Variants in TTC19 observed in about 807,000 individuals in gnomAD.
TTC19 encodes the protein tetratricopeptide repeat protein 19, mitochondrial.
Under a neutral mutation model 49.5 loss-of-function variants are expected in TTC19, and 38 were observed. The ratio of observed to expected loss-of-function variants is 0.77; its 90% confidence interval spans 0.59 to 1.01. The LOEUF is 1.01. Among genes scored for constraint, TTC19 ranks in the 50% least tolerant of loss-of-function variants. The probability of loss-of-function intolerance (pLI) is 0.00; values close to 1 mark genes in which losing one functional copy is unlikely to be tolerated. For missense variants in TTC19, 475 were observed against 477.7 expected (o/e 0.99, Z 0.05); for synonymous variants, 204 against 185.2 (o/e 1.10, Z -0.83).
chr17:16,010,080 A>G lies in TTC19; in HGVS notation c.676+3512A>G, dbSNP rs971139561. 4.6e-5 allele frequency among the ~76,000 whole-genome samples: 7 copies of G among 151,838 alleles called. No individual in the cohort carries two copies. The South Asian group carries it at 1.2e-3, about 27-fold the overall frequency. ...ATCTGTTAGTATAAAAAGTCAAATA[A>G]TATTAATAGTACAAAGCTTAATTTA... On this transcript the variant is annotated intron_variant, in intron 7 of 9. Transcript: ENST00000261647.
At chr17:16,018,160 A>C (rs557393404) in intron 7 of TTC19, among the ~76,000 whole-genome samples, 1 of 152,298 alleles carries the variant, frequency 6.6e-6, no homozygotes, top group Non-Finnish European at 1.5e-5. Flanking sequence ...TTTTTTAAAT[A>C]GTCTATTTTC....
At chr17:16,018,319 T>C (rs770606063) in intron 7 of TTC19, among the ~76,000 whole-genome samples, 1 of 152,160 alleles carries the variant, frequency 6.6e-6, no homozygotes, top group Non-Finnish European at 1.5e-5. Context: ...GGCTCAATGC[T>C]TCTGTCCCAC....
At chr17:16,007,214 T>C (rs968050806) in intron 7 of TTC19, among the ~76,000 whole-genome samples, 4 of 152,226 alleles carry the variant, frequency 2.6e-5, no homozygotes, top group Non-Finnish European at 4.4e-5. Flanking sequence ...CCGTTATCCA[T>C]GGGGAATATG....
intron 7 of TTC19, among the ~76,000 whole-genome samples, chr17:16,011,466 C>T (rs1184408996): frequency 6.6e-6 from 1 of 152,236 alleles, no homozygotes; most frequent in Non-Finnish European, 1.5e-5. Flanking sequence ...AGCCACCGCG[C>T]CCGGCCGCGT....
At chr17:16,019,339 C>CA (rs745643467) in intron 7 of TTC19, among the ~76,000 whole-genome samples, 1 of 151,970 alleles carries the variant, frequency 6.6e-6, no homozygotes, top group East Asian at 1.9e-4. Context: ...GTCTCCAAAA[C>CA]AAAAAAACAA....
chr17:16,032,071 T>C (rs945655383), downstream of TTC19: 3 of 499,974 alleles, frequency 6.0e-6, no homozygotes, highest in East Asian at 3.6e-5. Context: ...ACTATTATTA[T>C]AGTCCACTGA....
intron 7 of TTC19, among the ~76,000 whole-genome samples, chr17:16,019,692 A>G (rs1028563625): frequency 6.6e-6 from 1 of 152,208 alleles, no homozygotes; most frequent in East Asian, 1.9e-4. Flanking sequence ...GAAATATACC[A>G]CAGTTCTATT....
At chr17:16,039,773 A>C in intron 2 of TTC19, 1 of 833,608 alleles carries the variant, frequency 1.2e-6, no homozygotes, top group Non-Finnish European at 1.9e-6. Context: ...CTAGAACAAT[A>C]CCAGGACCCA....
Position 16,000,431 on chromosome 17 carries a change from T to G in TTC19, c.312+186T>G, listed in dbSNP as rs1445153568. 6 of 1,444,396 alleles carry G rather than the reference T, an allele frequency of 4.2e-6. No homozygotes were observed. In the East Asian group the frequency reaches 1.3e-4, roughly 31 times the overall value. 89.5% of individuals were successfully genotyped at this position (1,444,396 alleles called of 1,614,324 possible). On this transcript the variant is annotated intron_variant, in intron 2 of 9. Transcript: ENST00000261647. ...GAATCCATCCAGGCTTTTCCGACTC[T>G]AAGGCCTGCAGTAAAACCTCTGCAG...
At chr17:16,009,710 ATC>A (rs1485204715) in intron 7 of TTC19, among the ~76,000 whole-genome samples, 3 of 152,202 alleles carry the variant, frequency 2.0e-5, no homozygotes, top group African/African-American at 7.2e-5. Context: ...TGACACAACT[ATC>A]TCTATTCTAG....
intron 7 of TTC19, 26 bp from the exon 8 acceptor site, chr17:16,024,991 T>C (rs1341058118): frequency 2.5e-6 from 4 of 1,613,332 alleles, no homozygotes; most frequent in East Asian, 4.5e-5. Flanking sequence ...TTTGGGTAGA[T>C]TTGCTGATTC....
chr17:16,034,993 AT>A, intron 2 of TTC19: 2 of 1,551,432 alleles, frequency 1.3e-6, no homozygotes, highest in Non-Finnish European at 1.8e-6. Context: ...GTTCTCAAAA[AT>A]TACCAAAATG....
rs578139631 is a variant in TTC19 at position 16,038,654 on chromosome 17, T to C, written c.248-5849T>C. Among the ~76,000 whole-genome samples the C allele has an allele frequency of 3.9e-5, 6 of 152,242 alleles. No individual in the cohort carries two copies. In the South Asian group the frequency reaches 1.2e-3, roughly 32 times the overall value. ...GTTTTCATCATGTTGCCCAGGCTGG[T>C]CTCAAACTCCTGAGCTCAAGTGATC... On this transcript the variant is annotated intron_variant, in intron 2 of 2. Transcript: ENST00000470649.
chr17:16,040,392 T>C, intron 2 of TTC19: 1 of 1,523,524 alleles, frequency 6.6e-7, no homozygotes, highest in African/African-American at 1.4e-5. Flanking sequence ...TTGGACTGAC[T>C]ACTGCTGTGC....
At chr17:16,016,233 TG>T (rs975641251) in intron 7 of TTC19, among the ~76,000 whole-genome samples, 1 of 152,170 alleles carries the variant, frequency 6.6e-6, no homozygotes, top group Admixed American at 6.5e-5. Context: ...TTTCCAATTT[TG>T]GGGGGGATTT....
intron 7 of TTC19, among the ~76,000 whole-genome samples, chr17:16,023,068 T>C (rs1376836518): frequency 6.6e-6 from 1 of 152,212 alleles, no homozygotes; most frequent in Non-Finnish European, 1.5e-5. Context: ...GGGGGAACTT[T>C]ATGAAATTTT....
intron 7 of TTC19, among the ~76,000 whole-genome samples, chr17:16,017,054 CATAG>C (rs1448682912): frequency 6.6e-6 from 1 of 152,168 alleles, no homozygotes; most frequent in Non-Finnish European, 1.5e-5. Flanking sequence ...TAGACAGTCT[CATAG>C]ATATATTTAT....
chr17:16,037,474 G>T (rs568206035), intron 2 of TTC19, among the ~76,000 whole-genome samples: 1 of 152,164 alleles, frequency 6.6e-6, no homozygotes, highest in East Asian at 1.9e-4. Context: ...GATTTCACTT[G>T]TAACAATCAA....
At chr17:16,010,206 C>G (rs562966699) in intron 7 of TTC19, among the ~76,000 whole-genome samples, 12 of 126,984 alleles carry the variant, frequency 9.5e-5, no homozygotes, top group African/African-American at 3.4e-4. Flanking sequence ...CAGAGTCTCA[C>G]TCTTGTCACC....
Sources: gnomAD v4.1 joint callset for allele counts (sites outside exome capture counted in the v4.1 genomes callset) on GRCh38, gnomAD v4.1.1 for gene constraint, MANE v1.5 for transcripts, NCBI Gene and HGNC (gene_info 2026-07-23, HGNC 2026-07-21) for gene names.